The following MYPN variants were observed in gnomAD, a reference collection of about 807,000 sequenced individuals.
MYPN encodes myopalladin, also known as sarcomeric protein myopalladin, 145 kDa (MYOP).
Under a neutral mutation model 129.4 loss-of-function variants are expected in MYPN, and 63 were observed. That is an observed-to-expected ratio of 0.49 (90% CI 0.40 to 0.60). MYPN has a LOEUF of 0.60. Ranked by LOEUF, MYPN falls within the 20% of genes least tolerant of loss-of-function variation. The pLI is 0.00. For synonymous variants in MYPN, 629 were observed against 600.9 expected, an observed-to-expected ratio of 1.05 and a Z score of -0.68; for missense variants, 1,596 against 1,635.4, an observed-to-expected ratio of 0.98 and a Z score of 0.42.
At chr10:68,103,288 A>G (rs543857198), upstream of MYPN, among the ~76,000 whole-genome samples, 16 of 152,204 alleles carry the variant, frequency 1.1e-4, no homozygotes, top group Non-Finnish European at 1.8e-4. Context: ...CCTTGACAAC[A>G]GTTTCATTCC....
At chr10:68,149,964 T>C in intron 5 of MYPN, 76 bp from the exon 6 acceptor site, 1 of 1,356,410 alleles carries the variant, frequency 7.4e-7, no homozygotes, top group Non-Finnish European at 1.1e-6. Flanking sequence ...TACCAAATTC[T>C]ATAGGTTTGT....
chr10:68,128,496 C>CTTCA (rs1001012595), intron 2 of MYPN, among the ~76,000 whole-genome samples: 3 of 152,028 alleles, frequency 2.0e-5, no homozygotes, highest in African/African-American at 7.2e-5. Context: ...ATCTAGATAC[C>CTTCA]TTCATTCATT....
At chr10:68,178,005 T>C (rs1485600502) in intron 12 of MYPN, among the ~76,000 whole-genome samples, 1 of 152,220 alleles carries the variant, frequency 6.6e-6, no homozygotes, top group African/African-American at 2.4e-5. Flanking sequence ...TATTACTGAC[T>C]ATAAACAATT....
chr10:68,106,416 T>C (rs9919371), upstream of MYPN: 50,356 of 408,800 alleles, frequency 0.12, 4,490 homozygotes, highest in East Asian at 0.44. Flanking sequence ...TATAAGATCT[T>C]TTATAATCCA....
intron 1 of MYPN, among the ~76,000 whole-genome samples, chr10:68,111,994 A>C (rs1222180561): frequency 6.6e-6 from 1 of 152,274 alleles, no homozygotes; most frequent in African/African-American, 2.4e-5. Context: ...AAGCTGAAGA[A>C]GAATGAAAGT....
intron 2 of MYPN, among the ~76,000 whole-genome samples, chr10:68,134,055 A>C (rs1230818395): frequency 6.6e-6 from 1 of 152,182 alleles, no homozygotes; most frequent in Non-Finnish European, 1.5e-5. Context: ...TAGCAAACAG[A>C]AGAAGGGAAG....
At chr10:68,158,246 G>T in intron 6 of MYPN, 1 of 494,374 alleles carries the variant, frequency 2.0e-6, no homozygotes. Context: ...CCCTGATAGA[G>T]GAGGACCAAT....
chr10:68,173,303 ACT>A, intron 10 of MYPN, among the ~76,000 whole-genome samples: 1 of 152,122 alleles, frequency 6.6e-6, no homozygotes, highest in Non-Finnish European at 1.5e-5. Context: ...CTTTTCAGTA[ACT>A]CACACTGGCA....
At chr10:68,206,396 C>G (rs115569510) in intron 18 of MYPN, among the ~76,000 whole-genome samples, 1 of 152,156 alleles carries the variant, frequency 6.6e-6, no homozygotes, top group South Asian at 2.1e-4. Context: ...TCATCCACCC[C>G]CTGGCTCTAT....
At chr10:68,111,617 A>C (rs2042082802) in intron 1 of MYPN, among the ~76,000 whole-genome samples, 1 of 152,234 alleles carries the variant, frequency 6.6e-6, no homozygotes, top group Non-Finnish European at 1.5e-5. Flanking sequence ...GTAGAGACTA[A>C]ATGGTCTGTT....
chr10:68,142,281 A>C (rs1373423070), intron 2 of MYPN, among the ~76,000 whole-genome samples: 2 of 152,190 alleles, frequency 1.3e-5, no homozygotes, highest in Non-Finnish European at 2.9e-5. Flanking sequence ...CTACATTTTA[A>C]ACATTATTTT....
In MYPN at chr10:68,173,794, G is replaced by A. The variant is rs138514434; in HGVS notation, c.1974-272G>A. Among the ~76,000 whole-genome samples, 20 of 150,624 alleles carry A rather than the reference G, an allele frequency of 1.3e-4. No homozygotes were observed. In the South Asian group the frequency reaches 1.7e-3, roughly 13 times the overall value. ...CTCCTGAGTAGCTGGGGCTACAGGC[G>A]TGCACCACCATGTCTGGCTAATATA... On this transcript the variant is annotated intron_variant, in intron 10 of 19. Coordinates refer to ENST00000358913, the MANE Select transcript of MYPN (RefSeq NM_032578.4).
chr10:68,165,881 T>C, intron 9 of MYPN, 63 bp downstream of exon 9: 1 of 1,308,214 alleles, frequency 7.6e-7, no homozygotes, highest in Non-Finnish European at 1.1e-6. Context: ...ATGCAGATTT[T>C]GTGTTTCCAT....
At chr10:68,165,345 G>A (rs1246145418) in intron 8 of MYPN, 10 of 398,536 alleles carry the variant, frequency 2.5e-5, no homozygotes, top group Admixed American at 1.3e-4. Context: ...CCAGCTACTC[G>A]GGAGGCTGAG....
chr10:68,174,713 T>C, intron 11 of MYPN, 57 bp downstream of exon 11: 1 of 1,460,502 alleles, frequency 6.8e-7, no homozygotes, highest in Non-Finnish European at 9.6e-7. Context: ...GATGTGCACA[T>C]TGAATAGCTT....
chr10:68,159,697 A>G (rs1243473108), intron 7 of MYPN, among the ~76,000 whole-genome samples: 2 of 152,110 alleles, frequency 1.3e-5, no homozygotes, highest in Non-Finnish European at 2.9e-5. Context: ...CAATCATATG[A>G]TAGAAAAACT....
Position 68,175,306 on chromosome 10 carries a change from G to A in MYPN, c.2565-17G>A, listed in dbSNP as rs1334366122. 1.9e-6 allele frequency: 3 copies of A among 1,613,888 alleles called. No homozygotes were observed. Among genetic ancestry groups the A allele is most frequent in the Admixed American group, 1.7e-5 (1 of 60,000 alleles). On this transcript the variant is annotated splice_polypyrimidine_tract_variant and intron_variant, in intron 11 of 19. Coordinates refer to ENST00000358913, the MANE Select transcript of MYPN (RefSeq NM_032578.4). ...AGTGCTTTTCATGGGTGTGTCAGGT[G>A]TGGATTTATCTTACAGGCCATCCCA...
chr10:68,179,620 A>G (rs2043283306), intron 12 of MYPN, among the ~76,000 whole-genome samples: 1 of 152,202 alleles, frequency 6.6e-6, no homozygotes, highest in African/African-American at 2.4e-5. Context: ...ACTACCCACT[A>G]TGGTAACAAT....
At chr10:68,187,225 A>G (rs2043436296) in intron 12 of MYPN, among the ~76,000 whole-genome samples, 2 of 151,560 alleles carry the variant, frequency 1.3e-5, no homozygotes, top group South Asian at 4.2e-4. Flanking sequence ...TACAAAAGTT[A>G]GCTGGGCATG....
Sources: allele counts gnomAD v4.1 joint callset (sites outside exome capture counted in the v4.1 genomes callset), GRCh38; gene constraint gnomAD v4.1.1; transcripts MANE v1.5; gene names NCBI Gene and HGNC (gene_info 2026-07-23, HGNC 2026-07-21).